The following ANKRD31 variants were observed in gnomAD, a reference collection of about 807,000 sequenced individuals.
ANKRD31 encodes ankyrin repeat domain-containing protein 31.
Under a neutral mutation model 186.0 loss-of-function variants are expected in ANKRD31, and 147 were observed. The ratio of observed to expected loss-of-function variants is 0.79; its 90% CI spans 0.69 to 0.91. The LOEUF (loss-of-function observed/expected upper bound fraction) is 0.91. Among genes scored for constraint, ANKRD31 ranks in the 40% least tolerant of loss-of-function variants. ANKRD31 has a pLI of 0.00. For missense variants in ANKRD31, 1,986 were observed against 2,148.8 expected, an observed-to-expected ratio of 0.92 and a Z score of 1.50; for synonymous variants, 673 against 736.4, an observed-to-expected ratio of 0.91 and a Z score of 1.39.
At chr5:75,235,685 T>C (rs1304359966) in intron 1 of ANKRD31, among the ~76,000 whole-genome samples, 4 of 152,138 alleles carry the variant, frequency 2.6e-5, no homozygotes, top group Non-Finnish European at 5.9e-5. Flanking sequence ...ACACCAACCA[T>C]GGCAACTGGG....
At chr5:75,209,704 GT>G (rs1450852732) in intron 4 of ANKRD31, among the ~76,000 whole-genome samples, 1 of 152,054 alleles carries the variant, frequency 6.6e-6, no homozygotes. Context: ...TCACATAGCA[GT>G]ATGCACAGAA....
chr5:75,117,589 T>C (rs1020837363), intron 18 of ANKRD31, among the ~76,000 whole-genome samples: 1 of 152,108 alleles, frequency 6.6e-6, no homozygotes, highest in Non-Finnish European at 1.5e-5. Flanking sequence ...ATGGTGAGAA[T>C]ATAGATACAT....
intron 11 of ANKRD31, among the ~76,000 whole-genome samples, chr5:75,166,565 G>A (rs1246352803): frequency 6.6e-6 from 1 of 152,156 alleles, no homozygotes; most frequent in Admixed American, 6.6e-5. Context: ...TTCAATATAT[G>A]TGAATCCCCA....
intron 5 of ANKRD31, among the ~76,000 whole-genome samples, chr5:75,201,814 A>T (rs1352301814): frequency 6.6e-6 from 1 of 152,202 alleles, no homozygotes; most frequent in Admixed American, 6.5e-5. Context: ...AAGTCTGTTT[A>T]AAAAAATTTA....
intron 22 of ANKRD31, among the ~76,000 whole-genome samples, chr5:75,095,157 G>A (rs1014018318): frequency 6.6e-6 from 1 of 152,094 alleles, no homozygotes; most frequent in Non-Finnish European, 1.5e-5. Context: ...ATGGTCAACA[G>A]TGGTTGGAAA....
rs202150644 is a variant in ANKRD31 at position 75,080,328 on chromosome 5, TA to T, written c.5647+239del. 4.7e-3 allele frequency among the ~76,000 whole-genome samples: 719 copies of T among 152,278 alleles called. 21 individuals carry two copies. Among genetic ancestry groups the T allele is most frequent in the Admixed American group, 0.035 (529 of 15,290 alleles). ...TTCATTTATTTATTCAATGAGCATT[TA>T]TTGGAAAGCTATGGTGTGCCAGGCA... is the stretch of plus-strand genomic sequence containing the variant. On this transcript the variant is annotated intron_variant, in intron 25 of 25. Transcript: ENST00000506364.
chr5:75,112,649 T>C, intron 19 of ANKRD31, 49 bp from the exon 20 acceptor site: 1 of 1,168,096 alleles, frequency 8.6e-7, no homozygotes, highest in Non-Finnish European at 1.2e-6. Flanking sequence ...GTAGATATGC[T>C]CTCTGATATG....
At chr5:75,140,327 A>AAGGT (rs1240083513) in intron 15 of ANKRD31, among the ~76,000 whole-genome samples, 4 of 150,724 alleles carry the variant, frequency 2.7e-5, no homozygotes, top group South Asian at 4.2e-4. Context: ...GGAAGGAAGG[A>AAGGT]AGGTAGGAAG....
At chr5:75,080,080 A>G (rs1158946582) in intron 25 of ANKRD31, among the ~76,000 whole-genome samples, 2 of 152,098 alleles carry the variant, frequency 1.3e-5, no homozygotes, top group Non-Finnish European at 1.5e-5. Flanking sequence ...CCTGTGTGAC[A>G]GAGCGAGATT....
intron 10 of ANKRD31, among the ~76,000 whole-genome samples, chr5:75,174,869 C>T (rs1273786134): frequency 5.3e-5 from 8 of 152,134 alleles, no homozygotes; most frequent in Admixed American, 5.2e-4. Context: ...CGCAGCCATC[C>T]CATTACTGGG....
chr5:75,190,815 C>A (rs1468022781), intron 9 of ANKRD31, among the ~76,000 whole-genome samples: 2 of 152,040 alleles, frequency 1.3e-5, no homozygotes, highest in Non-Finnish European at 2.9e-5. Flanking sequence ...GAAACCATCA[C>A]CACCATTAAG....
chr5:75,186,541 G>C (rs1754724473), intron 10 of ANKRD31, among the ~76,000 whole-genome samples: 1 of 152,144 alleles, frequency 6.6e-6, no homozygotes, highest in African/African-American at 2.4e-5. Context: ...TACAGGTATA[G>C]GAATCAGAAA....
At chr5:75,086,859 ATG>A (rs1156992437) in intron 23 of ANKRD31, among the ~76,000 whole-genome samples, 1 of 151,940 alleles carries the variant, frequency 6.6e-6, no homozygotes, top group Non-Finnish European at 1.5e-5. Flanking sequence ...GGAGTGTAGA[ATG>A]TGTGTGTGTA....
intron 7 of ANKRD31, among the ~76,000 whole-genome samples, chr5:75,194,009 T>C (rs1476908231): frequency 1.2e-4 from 19 of 152,166 alleles, no homozygotes; most frequent in Non-Finnish European, 1.3e-4. Context: ...TGATATTTTG[T>C]GGAACAAGAT....
At chr5:75,130,869 C>T (rs990534549) in intron 17 of ANKRD31, among the ~76,000 whole-genome samples, 5 of 152,262 alleles carry the variant, frequency 3.3e-5, no homozygotes, top group South Asian at 2.1e-4. Flanking sequence ...CTGGCACTCA[C>T]CACGGGACTT....
At chr5:75,232,357 A>G (rs982591721) in intron 1 of ANKRD31, among the ~76,000 whole-genome samples, 7 of 152,096 alleles carry the variant, frequency 4.6e-5, no homozygotes, top group African/African-American at 1.7e-4. Context: ...TCCACCGCCC[A>G]GGTTCAAGTG....
chr5:75,164,895 G>A (rs572741343), intron 11 of ANKRD31, among the ~76,000 whole-genome samples: 22 of 152,186 alleles, frequency 1.4e-4, no homozygotes, highest in Middle Eastern at 3.4e-3. Flanking sequence ...AGATTTAATC[G>A]TATCTACCAT....
At chr5:75,094,435 T>G (rs2150036551) in intron 22 of ANKRD31, among the ~76,000 whole-genome samples, 1 of 152,240 alleles carries the variant, frequency 6.6e-6, no homozygotes, top group Non-Finnish European at 1.5e-5. Context: ...CATTTCTATA[T>G]TTTACTGGAA....
chr5:75,203,865 CT>C (rs1297008936), intron 5 of ANKRD31, among the ~76,000 whole-genome samples: 5 of 152,058 alleles, frequency 3.3e-5, no homozygotes, highest in African/African-American at 1.2e-4. Context: ...TAATCCATAA[CT>C]ACATCTTGTA....
Sources: gnomAD v4.1 joint callset for allele counts (sites outside exome capture counted in the v4.1 genomes callset) on GRCh38, gnomAD v4.1.1 for gene constraint, MANE v1.5 for transcripts, NCBI Gene and HGNC (gene_info 2026-07-23, HGNC 2026-07-21) for gene names.